The following RBFOX1 variants were observed in gnomAD, a reference collection of about 807,000 sequenced individuals.
RBFOX1 encodes the protein RNA binding fox-1 homolog 1.
In RBFOX1, 8 loss-of-function variants were observed where a neutral mutation model predicts 57.7. The observed-to-expected ratio is 0.14, with a 90% confidence interval of 0.08 to 0.25. The LOEUF is 0.25. RBFOX1 is among the 10% of genes least tolerant of loss of function. The probability of loss-of-function intolerance (pLI) is 1.00; values close to 1 mark genes in which losing one functional copy is unlikely to be tolerated. For synonymous variants in RBFOX1, 326 were observed against 222.4 expected (o/e 1.47, Z -4.15); for missense variants, 611 against 548.5 (o/e 1.11, Z -1.14).
intron 4 of RBFOX1, among the ~76,000 whole-genome samples, chr16:5,973,875 C>G (rs1255367352): frequency 6.6e-6 from 1 of 152,172 alleles, no homozygotes; most frequent in Non-Finnish European, 1.5e-5. Flanking sequence ...TCTCCTGTAC[C>G]TTAAACTTCA....
At chr16:7,098,795 T>G (rs1393865040) in intron 4 of RBFOX1, among the ~76,000 whole-genome samples, 2 of 152,080 alleles carry the variant, frequency 1.3e-5, no homozygotes, top group African/African-American at 2.4e-5. Context: ...ATCTTTAAAA[T>G]AAATAAATAA....
At chr16:6,489,131 C>G (rs1486542581) in intron 2 of RBFOX1, among the ~76,000 whole-genome samples, 2 of 152,066 alleles carry the variant, frequency 1.3e-5, no homozygotes, top group South Asian at 2.1e-4. Context: ...TTTACTTACT[C>G]TTTAGTACGA....
intron 4 of RBFOX1, among the ~76,000 whole-genome samples, chr16:7,390,245 A>G (rs2097976167): frequency 6.6e-6 from 1 of 152,188 alleles, no homozygotes; most frequent in African/African-American, 2.4e-5. Context: ...CTACAGCTGG[A>G]CATGAGATTT....
chr16:5,906,912 T>C (rs570079639), intron 4 of RBFOX1, among the ~76,000 whole-genome samples: 4 of 151,872 alleles, frequency 2.6e-5, no homozygotes, highest in South Asian at 4.2e-4. Context: ...TTTTTTTGTA[T>C]TATTAGTAGA....
intron 2 of RBFOX1, among the ~76,000 whole-genome samples, chr16:6,621,227 C>T (rs1333415914): frequency 2.6e-5 from 4 of 152,162 alleles, no homozygotes; most frequent in African/African-American, 7.2e-5. Context: ...ATTGGGAGGC[C>T]TAGGCCGGCG....
intron 4 of RBFOX1, among the ~76,000 whole-genome samples, chr16:7,390,385 C>G (rs4488458): frequency 0.041 from 6,208 of 152,288 alleles, 191 homozygotes; most frequent in Non-Finnish European, 0.06. Context: ...AACTCATGTT[C>G]TTAACTATGA....
intron 1 of RBFOX1, among the ~76,000 whole-genome samples, chr16:5,331,347 C>G (rs1274217122): frequency 6.6e-6 from 1 of 152,216 alleles, no homozygotes; most frequent in African/African-American, 2.4e-5. Flanking sequence ...CTCAAAACTT[C>G]ATAATTACTA....
chr16:6,451,990 G>T (rs1025140995), intron 2 of RBFOX1, among the ~76,000 whole-genome samples: 2 of 148,318 alleles, frequency 1.3e-5, no homozygotes, highest in African/African-American at 2.5e-5. Context: ...CTCTATCCAT[G>T]GTTCCATCCA....
At chr16:7,055,198 C>G (rs899656969) in intron 4 of RBFOX1, among the ~76,000 whole-genome samples, 1 of 152,054 alleles carries the variant, frequency 6.6e-6, no homozygotes, top group Non-Finnish European at 1.5e-5. Context: ...AAATGAAATA[C>G]AAAGAGTTGG....
At chr16:7,566,777 A>C (rs2091784319) in intron 5 of RBFOX1, among the ~76,000 whole-genome samples, 2 of 152,080 alleles carry the variant, frequency 1.3e-5, no homozygotes, top group South Asian at 4.1e-4. Flanking sequence ...GGGGAGAAGC[A>C]AAAGCCTTCC....
chr16:6,442,780 C>T (rs1033384564), intron 2 of RBFOX1, among the ~76,000 whole-genome samples: 1 of 152,080 alleles, frequency 6.6e-6, no homozygotes, highest in South Asian at 2.1e-4. Context: ...CTTGTCCTGC[C>T]GTCATTGGTC....
intron 3 of RBFOX1, among the ~76,000 whole-genome samples, chr16:5,640,708 C>T (rs920767170): frequency 6.6e-6 from 1 of 151,580 alleles, no homozygotes; most frequent in African/African-American, 2.4e-5. Flanking sequence ...CACCTATGCA[C>T]ACACGTACAC....
At chr16:6,588,091 C>T (rs1968169) in intron 2 of RBFOX1, among the ~76,000 whole-genome samples, 6,746 of 151,690 alleles carry the variant, frequency 0.044, 505 homozygotes, top group African/African-American at 0.15. Flanking sequence ...ATTAGCTGGG[C>T]GTGGTGGCAC....
rs541320102 is a variant in RBFOX1 at position 5,334,059 on chromosome 16, G to A, written c.219+93954G>A. Among the ~76,000 whole-genome samples, 23 of 150,888 alleles carry A rather than the reference G, an allele frequency of 1.5e-4. No homozygotes were observed. The South Asian group carries it at 3.5e-3, about 23-fold the overall frequency. ...TGAGAGGTGCTTCTGGCCGATTTCT[G>A]TCAGGAGTACTCTTTCTTACAGACT... On this transcript the variant is annotated intron_variant, in intron 1 of 2. Coordinates refer to the RBFOX1 transcript ENST00000585867.
intron 3 of RBFOX1, among the ~76,000 whole-genome samples, chr16:5,740,187 C>A (rs567718362): frequency 1.3e-5 from 2 of 152,146 alleles, no homozygotes; most frequent in Non-Finnish European, 2.9e-5. Flanking sequence ...ATGTCTTTAC[C>A]ATCTGGGGGC....
chr16:7,473,427 A>G (rs1183646030), intron 4 of RBFOX1, among the ~76,000 whole-genome samples: 6 of 148,090 alleles, frequency 4.1e-5, no homozygotes, highest in Admixed American at 6.8e-5. Flanking sequence ...TATACATAGT[A>G]TATAATATAT....
chr16:7,077,516 T>C (rs1435481799), intron 4 of RBFOX1, among the ~76,000 whole-genome samples: 3 of 152,198 alleles, frequency 2.0e-5, no homozygotes, highest in East Asian at 1.9e-4. Context: ...AATGGGGATA[T>C]GGTACAGTGA....
intron 7 of RBFOX1, among the ~76,000 whole-genome samples, chr16:7,587,827 C>G (rs541178237): frequency 6.6e-6 from 1 of 152,266 alleles, no homozygotes; most frequent in East Asian, 1.9e-4. Flanking sequence ...TAAATAGATT[C>G]CCTAGTGCTA....
At chr16:7,162,578 A>G (rs1439734697) in intron 4 of RBFOX1, among the ~76,000 whole-genome samples, 3 of 151,422 alleles carry the variant, frequency 2.0e-5, no homozygotes, top group Non-Finnish European at 4.4e-5. Flanking sequence ...AAAAAAAAAA[A>G]AAAAAAAACA....
Sources: gnomAD v4.1 joint callset for allele counts (sites outside exome capture counted in the v4.1 genomes callset) on GRCh38, gnomAD v4.1.1 for gene constraint, MANE v1.5 for transcripts, NCBI Gene and HGNC (gene_info 2026-07-23, HGNC 2026-07-21) for gene names.